Variants in PCDHGC3 observed in about 807,000 individuals in gnomAD.
The protein encoded by PCDHGC3 is protocadherin gamma-C3.
Under a neutral mutation model 59.2 loss-of-function variants are expected in PCDHGC3, and 26 were observed. The ratio of observed to expected loss-of-function variants is 0.44; its 90% CI spans 0.32 to 0.61. The LOEUF is 0.61. Among genes scored for constraint, PCDHGC3 ranks in the 20% least tolerant of loss-of-function variants. The pLI is 0.05. For missense variants in PCDHGC3, 1,080 were observed against 1,221.8 expected (o/e 0.88, Z 1.73); for synonymous variants, 487 against 519.7 (o/e 0.94, Z 0.86).
intron 1 of PCDHGC3, among the ~76,000 whole-genome samples, chr5:141,480,290 C>T (rs1053173416): frequency 2.2e-5 from 3 of 134,088 alleles, no homozygotes; most frequent in Non-Finnish European, 4.7e-5. Flanking sequence ...TGGCATGCAC[C>T]TGTGGTACCA....
chr5:141,484,763 T>C (rs2099600495), intron 1 of PCDHGC3, among the ~76,000 whole-genome samples: 1 of 151,872 alleles, frequency 6.6e-6, no homozygotes, highest in East Asian at 1.9e-4. Flanking sequence ...TATATATATA[T>C]ATGTTGTCTG....
intron 2 of PCDHGC3, among the ~76,000 whole-genome samples, chr5:141,503,568 C>T (rs1357099545): frequency 6.9e-6 from 1 of 144,390 alleles, no homozygotes; most frequent in Non-Finnish European, 1.5e-5. Context: ...CACTGTACTC[C>T]AGCCTGGGTG....
At chr5:141,500,789 C>G (rs1006758925) in intron 2 of PCDHGC3, among the ~76,000 whole-genome samples, 2 of 152,142 alleles carry the variant, frequency 1.3e-5, no homozygotes, top group African/African-American at 4.8e-5. Flanking sequence ...TATTATTTTA[C>G]AGAATAAGTC....
At chr5:141,492,834 G>T (rs544218873) in intron 1 of PCDHGC3, among the ~76,000 whole-genome samples, 36 of 152,332 alleles carry the variant, frequency 2.4e-4, no homozygotes, top group Non-Finnish European at 4.1e-4. Flanking sequence ...CCTTCCTCCC[G>T]CAGGAAGTGA....
At chr5:141,500,436 C>G (rs1318326111) in intron 2 of PCDHGC3, among the ~76,000 whole-genome samples, 2 of 151,836 alleles carry the variant, frequency 1.3e-5, no homozygotes, top group African/African-American at 2.4e-5. Flanking sequence ...GTCTCGATCT[C>G]CTGACCTCGT....
intron 1 of PCDHGC3, among the ~76,000 whole-genome samples, chr5:141,483,689 G>A (rs1234666254): frequency 6.6e-6 from 1 of 152,022 alleles, no homozygotes; most frequent in Non-Finnish European, 1.5e-5. Flanking sequence ...CAGAAAGCCA[G>A]ATTCCTCTTT....
intron 3 of PCDHGC3, among the ~76,000 whole-genome samples, chr5:141,507,479 C>T (rs1050741571): frequency 1.3e-5 from 2 of 152,198 alleles, no homozygotes; most frequent in East Asian, 1.9e-4. Flanking sequence ...GACTGCTGGC[C>T]TCCTGAGGCA....
intron 1 of PCDHGC3, among the ~76,000 whole-genome samples, chr5:141,484,821 G>A (rs1367529999): frequency 6.6e-6 from 1 of 152,122 alleles, no homozygotes; most frequent in Admixed American, 6.5e-5. Context: ...CGTTGAGCGG[G>A]AGGAAGGCGA....
At chr5:141,498,194 T>C (rs1014641829) in intron 2 of PCDHGC3, among the ~76,000 whole-genome samples, 16 of 152,254 alleles carry the variant, frequency 1.1e-4, no homozygotes, top group African/African-American at 3.6e-4. Context: ...ATTAACCAGC[T>C]AAAGAAAAGA....
At position 141,489,425 on chromosome 5, in the gene PCDHGC3, G is replaced by C. The variant is rs779739693; in HGVS notation, c.2431-5382G>C. On this transcript the variant is annotated intron_variant, in intron 1 of 3. Transcript: ENST00000308177. This position sits in a 1 kb window ranked among gnomAD's most constrained non-coding sequence, Gnocchi z 4.5. ...TTAAAGATGACAGATCTGTTGAGCC[G>C]GCGGCTGCAATTGGGCTCTGAGGAG... The C allele has an allele frequency of 4.3e-6, 7 of 1,614,118 alleles. No individual in the cohort carries two copies. The highest frequency in any genetic ancestry group is 1.1e-5 in the South Asian group (1 of 91,070).
At chr5:141,499,557 C>G (rs972965979) in intron 2 of PCDHGC3, among the ~76,000 whole-genome samples, 1 of 152,192 alleles carries the variant, frequency 6.6e-6, no homozygotes, top group African/African-American at 2.4e-5. Context: ...TATGATACCA[C>G]TATCCAGCTT....
intron 3 of PCDHGC3, among the ~76,000 whole-genome samples, chr5:141,508,711 T>G (rs1201917424): frequency 6.6e-6 from 1 of 152,058 alleles, no homozygotes; most frequent in Admixed American, 6.5e-5. Flanking sequence ...CTCATTCTTT[T>G]CTGTGTGCAG....
Position 141,485,113 on chromosome 5 carries a change from T to G in PCDHGC3, c.2430+6567T>G. On this transcript the variant is annotated intron_variant, in intron 1 of 3. Transcript: ENST00000308177. This position sits in a 1 kb window ranked among gnomAD's most constrained non-coding sequence, Gnocchi z 5.7. ...AGGTGTCTCCAGCTGCTGTGGCTGTTTGGGGCGGGTCGGCTTCATCCGCGT... is the reference window on the plus strand; with the variant it reads ...AGGTGTCTCCAGCTGCTGTGGCTGTGTGGGGCGGGTCGGCTTCATCCGCGT... 1 of 1,286,014 alleles carries G rather than the reference T, an allele frequency of 7.8e-7. No individual in the cohort carries two copies. Among genetic ancestry groups the G allele is most frequent in the Non-Finnish European group, 1.1e-6 (1 of 898,642 alleles). 79.7% of individuals were successfully genotyped at this position (1,286,014 alleles called of 1,614,324 possible). A position where few individuals can be genotyped will look rare whatever the true frequency, so the allele number is the denominator to read the frequency against.
rs180741728 is a variant in PCDHGC3 at position 141,505,088 on chromosome 5, G to A, written c.2490-305G>A. Among the ~76,000 whole-genome samples the A allele has an allele frequency of 3.7e-3, 563 of 152,300 alleles. 5 individuals carry two copies. Among genetic ancestry groups the A allele is most frequent in the Admixed American group, 0.011 (163 of 15,294 alleles). On this transcript the variant is annotated intron_variant, in intron 2 of 3. Coordinates refer to ENST00000308177, the MANE Select transcript of PCDHGC3 (RefSeq NM_002588.4). ...GAGGCAGGAGAATCGCTTGAACCCA[G>A]GAGGTGGATGTTGCAATGAGCCAAG...
chr5:141,500,839 G>A (rs2099802871), intron 2 of PCDHGC3, among the ~76,000 whole-genome samples: 1 of 151,906 alleles, frequency 6.6e-6, no homozygotes, highest in African/African-American at 2.4e-5. Flanking sequence ...ATGCTAATGG[G>A]CTTTTGCTAC....
In PCDHGC3 at chr5:141,511,342, C is replaced by G. The variant is rs2099883728; in HGVS notation, c.*169C>G. The stretch of plus-strand genomic sequence containing the variant: ...AACAAGTGCCCAGTCAGCACCTACC[C>G]CTTCCCCCCCAGGGGGTTGAATATG... On this transcript the variant is annotated 3_prime_UTR_variant, in exon 4 of 4. Coordinates refer to ENST00000308177, the MANE Select transcript of PCDHGC3 (RefSeq NM_002588.4). 1 of 1,424,960 alleles carries G rather than the reference C, an allele frequency of 7.0e-7. No homozygotes were observed. Among genetic ancestry groups the G allele is most frequent in the Admixed American group, 2.6e-5 (1 of 38,556 alleles). 88.3% of individuals were successfully genotyped at this position (1,424,960 alleles called of 1,614,324 possible).
In PCDHGC3 at chr5:141,476,335, C is replaced by A; in HGVS notation, c.219C>A (p.Ser73Arg). Residue 73 changes from serine to arginine, a missense_variant, in exon 1 of 4, where the codon AGC (serine) becomes AGA (arginine). Coordinates refer to ENST00000308177, the MANE Select transcript of PCDHGC3 (RefSeq NM_002588.4). The surrounding 1 kb of genome is among the most constrained non-coding windows in gnomAD (Gnocchi z 7.6). ...ARRFRVVSGA[S>R]RRFFEVNRET... Reference sequence around the variant, plus strand: ...GGTTCCGGGTGGTGTCTGGAGCTAGCCGAAGATTCTTTGAGGTGAACCGGG... The same window carrying A: ...GGTTCCGGGTGGTGTCTGGAGCTAGACGAAGATTCTTTGAGGTGAACCGGG... 2 of 1,614,120 alleles carry A rather than the reference C, an allele frequency of 1.2e-6. No individual in the cohort carries two copies. Among genetic ancestry groups the A allele is most frequent in the Non-Finnish European group, 1.7e-6 (2 of 1,180,026 alleles).
chr5:141,476,912 G>A lies in PCDHGC3; in HGVS notation c.796G>A (p.Val266Ile), dbSNP rs1196222770. 1.9e-6 allele frequency: 3 copies of A among 1,614,098 alleles called. No homozygotes were observed. Among genetic ancestry groups the A allele is most frequent in the Non-Finnish European group, 2.5e-6 (3 of 1,180,048 alleles). The change falls in exon 1 of 4, where the codon GTC (valine) becomes ATC (isoleucine). Residue 266 changes from valine (V) to isoleucine (I), a missense_variant. Val to Ile is a conservative substitution (Grantham distance 29). Coordinates refer to ENST00000308177, the MANE Select transcript of PCDHGC3 (RefSeq NM_002588.4). The surrounding 1 kb of genome is among the most constrained non-coding windows in gnomAD (Gnocchi z 7.6). Reference sequence around the variant, plus strand: ...ACCCTCCGGCACGCGCGTGGTACAAGTCCTTGCAACGGATCTGGATGAAGG... The same window carrying A: ...ACCCTCCGGCACGCGCGTGGTACAAATCCTTGCAACGGATCTGGATGAAGG... ...DAPSGTRVVQ[V>I]LATDLDEGPN...
intron 2 of PCDHGC3, among the ~76,000 whole-genome samples, chr5:141,504,039 AC>A (rs1396515708): frequency 6.6e-6 from 1 of 152,184 alleles, no homozygotes; most frequent in African/African-American, 2.4e-5. Context: ...CATTTAGGCA[AC>A]AAATATTTAT....
Sources: allele counts gnomAD v4.1 joint callset (sites outside exome capture counted in the v4.1 genomes callset), GRCh38; gene constraint gnomAD v4.1.1; non-coding constraint Gnocchi (gnomAD v3.1); transcripts MANE v1.5; gene names NCBI Gene and HGNC (gene_info 2026-07-23, HGNC 2026-07-21).